CUX1: variants seen among roughly 807,000 people sequenced by gnomAD.
CUX1 encodes cut like homeobox 1, also known as protein CASP.
In CUX1, 31 loss-of-function variants were observed where a neutral mutation model predicts 158.8. That is an observed-to-expected ratio of 0.20 (90% confidence interval 0.15 to 0.26). CUX1 has a LOEUF of 0.26. CUX1 is among the 10% of genes least tolerant of loss of function. CUX1 has a pLI of 1.00. For missense variants in CUX1, 1,589 were observed against 2,014.6 expected (o/e 0.79, Z 4.04); for synonymous variants, 879 against 862.1 (o/e 1.02, Z -0.34).
At chr7:101,964,054 A>G (rs2129180171) in intron 2 of CUX1, among the ~76,000 whole-genome samples, 1 of 152,322 alleles carries the variant, frequency 6.6e-6, no homozygotes, top group East Asian at 1.9e-4. Flanking sequence ...AGGCACATCA[A>G]GAAATGACAA....
chr7:102,179,192 C>T (rs1554513197), intron 11 of CUX1, among the ~76,000 whole-genome samples: 9 of 152,166 alleles, frequency 5.9e-5, no homozygotes, highest in Non-Finnish European at 1.3e-4. Flanking sequence ...GGACTACAGG[C>T]GCCTGCCACC....
intron 3 of CUX1, among the ~76,000 whole-genome samples, chr7:102,068,941 T>C (rs553076900): frequency 6.6e-6 from 1 of 152,208 alleles, no homozygotes; most frequent in Non-Finnish European, 1.5e-5. Context: ...ACGTCTACAC[T>C]AGAGGAAACT....
At chr7:102,150,434 G>A (rs1835514097) in intron 8 of CUX1, among the ~76,000 whole-genome samples, 1 of 152,206 alleles carries the variant, frequency 6.6e-6, no homozygotes, top group South Asian at 2.1e-4. Flanking sequence ...AGGATTACAG[G>A]CGTGAGCCAC....
intron 3 of CUX1, among the ~76,000 whole-genome samples, chr7:102,050,533 C>CT (rs1823368443): frequency 6.6e-6 from 1 of 152,170 alleles, no homozygotes; most frequent in Admixed American, 6.5e-5. Flanking sequence ...GGGGCTCCCA[C>CT]TGTGGGTACC....
chr7:102,098,953 C>A (rs1216130280), intron 5 of CUX1, among the ~76,000 whole-genome samples: 1 of 151,826 alleles, frequency 6.6e-6, no homozygotes, highest in Non-Finnish European at 1.5e-5. Context: ...GCCACCGCAC[C>A]CAGCCAATTG....
intron 2 of CUX1, among the ~76,000 whole-genome samples, chr7:101,972,440 C>T (rs1003976152): frequency 1.3e-5 from 2 of 152,200 alleles, no homozygotes; most frequent in African/African-American, 2.4e-5. Context: ...CCTCCTCGGA[C>T]GGCATCTGAC....
Position 102,094,109 on chromosome 7 carries a change from T to C in CUX1, c.269-3255T>C, listed in dbSNP as rs183373325. Among the ~76,000 whole-genome samples, 183 of 152,336 alleles carry C rather than the reference T, an allele frequency of 1.2e-3. 1 individual carries two copies. Among genetic ancestry groups the C allele is most frequent in the African/African-American group, 4.2e-3 (176 of 41,570 alleles). Reference sequence around the variant, plus strand: ...CGCCAAAATTCATTGTTTTGGTCTTTAGCCCAAACATGCTAGAGTCATTAT... The same window carrying C: ...CGCCAAAATTCATTGTTTTGGTCTTCAGCCCAAACATGCTAGAGTCATTAT... On this transcript the variant is annotated intron_variant, in intron 4 of 23. Transcript: ENST00000292535.
At chr7:102,177,400 C>G (rs1378762951) in intron 10 of CUX1, among the ~76,000 whole-genome samples, 1 of 127,752 alleles carries the variant, frequency 7.8e-6, no homozygotes, top group African/African-American at 3.0e-5. Flanking sequence ...GGCGACAGAC[C>G]AAAACTCTAT....
chr7:102,013,935 G>A (rs572974085), intron 2 of CUX1, among the ~76,000 whole-genome samples: 11 of 152,176 alleles, frequency 7.2e-5, no homozygotes, highest in African/African-American at 1.9e-4. Flanking sequence ...GAACTCCTGG[G>A]CTCAAGCAAT....
intron 2 of CUX1, among the ~76,000 whole-genome samples, chr7:101,982,722 C>CTTTTTT (rs911335466): frequency 1.4e-5 from 2 of 145,746 alleles, no homozygotes; most frequent in African/African-American, 5.0e-5. Context: ...CCAACAGGGA[C>CTTTTTT]TTTTTTTTTT....
chr7:101,951,971 G>A lies in CUX1; in HGVS notation c.141+35746G>A, dbSNP rs901977000. The stretch of plus-strand genomic sequence containing the variant: ...TAATACAAAAATGGTGGGCGTGGCT[G>A]TATGCCGATAAAACTTTATCTAAAA... On this transcript the variant is annotated intron_variant, in intron 2 of 23. Coordinates refer to ENST00000292535, the MANE Select transcript of CUX1 (RefSeq NM_181552.4). Among the ~76,000 whole-genome samples the A allele has an allele frequency of 2.0e-5, 3 of 152,232 alleles. No individual in the cohort carries two copies. In the East Asian group the frequency reaches 5.8e-4, roughly 29 times the overall value.
intron 1 of CUX1, among the ~76,000 whole-genome samples, chr7:101,882,319 G>A (rs775588331): frequency 1.3e-5 from 2 of 152,186 alleles, no homozygotes; most frequent in African/African-American, 2.4e-5. Flanking sequence ...GCCCTGTTGC[G>A]AAGGGGACGG....
rs374280542 is a variant in CUX1 at position 102,147,348 on chromosome 7, G to A, written c.675-11212G>A. 1.4e-3 allele frequency among the ~76,000 whole-genome samples: 211 copies of A among 152,218 alleles called. 1 individual carries two copies. Among genetic ancestry groups the A allele is most frequent in the African/African-American group, 4.7e-3 (197 of 41,526 alleles). ...CTCCTCCCCTTCCCCATCAGCCTCC[G>A]TGTCTTCAGTCCTGACCTGGTTCAC... On this transcript the variant is annotated intron_variant, in intron 8 of 23. Transcript: ENST00000292535.
intron 21 of CUX1, among the ~76,000 whole-genome samples, chr7:102,228,906 A>G (rs1446116496): frequency 6.6e-6 from 1 of 151,964 alleles, no homozygotes; most frequent in African/African-American, 2.4e-5. Context: ...GGTCTAACGG[A>G]CCCCGGTTCT....
Position 101,947,046 on chromosome 7 carries a change from G to T in CUX1, c.141+30821G>T, listed in dbSNP as rs577583115. 3.3e-5 allele frequency among the ~76,000 whole-genome samples: 5 copies of T among 152,284 alleles called. No homozygotes were observed. The South Asian group carries it at 1.0e-3, about 32-fold the overall frequency. ...GTGGGAGAGTGGAAGTAGGTCCCAA[G>T]AACTTTTATTTTAAATGTTTTGATG... On this transcript the variant is annotated intron_variant, in intron 2 of 23. Coordinates refer to ENST00000292535, the MANE Select transcript of CUX1 (RefSeq NM_181552.4).
chr7:102,031,903 G>C (rs4727518), intron 3 of CUX1, among the ~76,000 whole-genome samples: 61,207 of 150,666 alleles, frequency 0.41, 14,032 homozygotes, highest in East Asian at 0.96. Flanking sequence ...CCCAAAATGT[G>C]ACATTTATAT....
intron 1 of CUX1, among the ~76,000 whole-genome samples, chr7:101,906,144 G>A (rs1019339286): frequency 1.3e-5 from 2 of 151,916 alleles, no homozygotes; most frequent in South Asian, 2.1e-4. Context: ...ATTTACTAGC[G>A]CTGACTACAT....
intron 3 of CUX1, 28 bp downstream of exon 3, chr7:102,028,173 T>A: frequency 6.2e-7 from 1 of 1,612,226 alleles, no homozygotes; most frequent in Non-Finnish European, 8.5e-7. Context: ...TTTTCTATCC[T>A]GAGCCACCCT....
intron 4 of CUX1, among the ~76,000 whole-genome samples, chr7:102,084,714 C>T (rs1827784114): frequency 8.5e-6 from 1 of 117,342 alleles, no homozygotes; most frequent in African/African-American, 2.6e-5. Context: ...TGAGCCAACG[C>T]ACCCGGCCAC....
Sources: gnomAD v4.1 joint callset for allele counts (sites outside exome capture counted in the v4.1 genomes callset) on GRCh38, gnomAD v4.1.1 for gene constraint, MANE v1.5 for transcripts, NCBI Gene and HGNC (gene_info 2026-07-23, HGNC 2026-07-21) for gene names.